CDH8: variants seen among roughly 807,000 people sequenced by gnomAD.
CDH8 encodes the protein cadherin 8, also known as cadherin-8.
CDH8 carries 17 observed loss-of-function variants against 68.1 expected under a neutral mutation model. The ratio of observed to expected loss-of-function variants is 0.25; its 90% CI spans 0.17 to 0.37. The LOEUF (loss-of-function observed/expected upper bound fraction) is 0.37. Among genes scored for constraint, CDH8 ranks in the 10% least tolerant of loss-of-function variants. The pLI, the probability that CDH8 is intolerant of heterozygous loss-of-function variation, is 1.00. For synonymous variants in CDH8, 372 were observed against 365.1 expected, an observed-to-expected ratio of 1.02 and a Z score of -0.21; for missense variants, 763 against 999.3, an observed-to-expected ratio of 0.76 and a Z score of 3.19.
chr16:61,825,912 G>A (rs1023503506), intron 4 of CDH8, among the ~76,000 whole-genome samples: 28 of 151,830 alleles, frequency 1.8e-4, no homozygotes, highest in African/African-American at 5.5e-4. Flanking sequence ...TATATTCAGC[G>A]TTTCATGTGG....
At chr16:61,999,139 C>A (rs892289828) in intron 2 of CDH8, among the ~76,000 whole-genome samples, 2 of 152,134 alleles carry the variant, frequency 1.3e-5, no homozygotes, top group African/African-American at 4.8e-5. Flanking sequence ...TAGCTTTCAT[C>A]CACTAAGTGC....
chr16:62,031,268 T>C (rs894101137), intron 1 of CDH8, among the ~76,000 whole-genome samples: 1 of 152,106 alleles, frequency 6.6e-6, no homozygotes, highest in African/African-American at 2.4e-5. Context: ...TTGTGGAACA[T>C]GAGTAAGATT....
At chr16:61,852,984 G>A (rs1160523986) in intron 4 of CDH8, among the ~76,000 whole-genome samples, 1 of 150,942 alleles carries the variant, frequency 6.6e-6, no homozygotes, top group East Asian at 2.0e-4. Context: ...AGACATCTAG[G>A]CATAGGAATG....
rs1324933105 is a variant in CDH8, at chr16:61,771,421, A to G, written c.1414+17925T>C. Among the ~76,000 whole-genome samples, 4 of 148,758 alleles carry G rather than the reference A, an allele frequency of 2.7e-5. No homozygotes were observed. In the East Asian group the frequency reaches 6.0e-4, roughly 22 times the overall value. ...AATATGAACCAGCAAAGAGATTTGG[A>G]TACTATGCCTCACACACAAATCTAA... On this transcript the variant is annotated intron_variant, in intron 8 of 11. Coordinates refer to ENST00000577390, the MANE Select transcript of CDH8 (RefSeq NM_001796.5).
chr16:61,945,104 G>A lies in CDH8; in HGVS notation c.253-43631C>T, dbSNP rs912584850. On this transcript the variant is annotated intron_variant, in intron 2 of 11. Transcript: ENST00000577390. ...AGTGAGGAGAACATTTGGCTTTTGA[G>A]TCTGACACTCCTGAGTTTGAATTGA... is the stretch of plus-strand genomic sequence containing the variant. Among the ~76,000 whole-genome samples, 7 of 152,230 alleles carry A rather than the reference G, an allele frequency of 4.6e-5. 1 individual carries two copies. The highest frequency in any genetic ancestry group is 1.9e-4 in the East Asian group (1 of 5,172).
At chr16:61,692,602 G>A (rs1964250158) in intron 10 of CDH8, 2 of 151,114 alleles carry the variant, frequency 1.3e-5, no homozygotes, top group Admixed American at 1.3e-4. Flanking sequence ...TTCATTGAAG[G>A]AGAATAGGTC....
intron 8 of CDH8, among the ~76,000 whole-genome samples, chr16:61,750,537 C>T (rs114042024): frequency 4.6e-5 from 7 of 152,104 alleles, no homozygotes; most frequent in Non-Finnish European, 1.0e-4. Flanking sequence ...GTGGTTCTTA[C>T]ATTGAAATTA....
At chr16:62,005,802 C>T (rs943785221) in intron 2 of CDH8, among the ~76,000 whole-genome samples, 1 of 149,514 alleles carries the variant, frequency 6.7e-6, no homozygotes, top group African/African-American at 2.5e-5. Context: ...GTTCTCAGTT[C>T]ATATTTGCCA....
At chr16:61,696,526 C>A (rs555909238) in intron 10 of CDH8, among the ~76,000 whole-genome samples, 4 of 152,284 alleles carry the variant, frequency 2.6e-5, no homozygotes, top group African/African-American at 7.2e-5. Flanking sequence ...TAACTTAATT[C>A]AAGCACTGTG....
intron 2 of CDH8, among the ~76,000 whole-genome samples, chr16:61,970,362 A>G (rs1469945562): frequency 6.6e-6 from 1 of 152,226 alleles, no homozygotes; most frequent in Non-Finnish European, 1.5e-5. Context: ...AAATTTAGAG[A>G]AAGTTTCTGT....
At chr16:61,951,304 G>A (rs1964893547) in intron 2 of CDH8, among the ~76,000 whole-genome samples, 1 of 152,032 alleles carries the variant, frequency 6.6e-6, no homozygotes, top group Non-Finnish European at 1.5e-5. Context: ...GAGGTCAGGA[G>A]ATCGAGACCA....
intron 9 of CDH8, among the ~76,000 whole-genome samples, chr16:61,716,955 C>A (rs7196670): frequency 4.0e-5 from 6 of 151,518 alleles, no homozygotes; most frequent in Non-Finnish European, 7.4e-5. Flanking sequence ...CAGATTTGTT[C>A]AAAGAAATGT....
rs144477082 is a variant in CDH8 at position 62,011,162 on chromosome 16, A to G, written c.252+9990T>C. Among the ~76,000 whole-genome samples, 22 of 152,218 alleles carry G rather than the reference A, an allele frequency of 1.4e-4. No homozygotes were observed. In the East Asian group the frequency reaches 3.9e-3, roughly 27 times the overall value. On this transcript the variant is annotated intron_variant, in intron 2 of 11. Coordinates refer to ENST00000577390, the MANE Select transcript of CDH8 (RefSeq NM_001796.5). ...TTCCTCAGCCCTTCTGATCAGGCTC[A>G]TTTGTATTTTGCTACTGCCTTCCAT...
intron 2 of CDH8, among the ~76,000 whole-genome samples, chr16:61,997,061 T>A (rs1479605299): frequency 6.6e-6 from 1 of 151,748 alleles, no homozygotes; most frequent in Non-Finnish European, 1.5e-5. Context: ...TGAGGAGTGT[T>A]TTTTTAAAAA....
At chr16:61,846,729 T>C (rs1005166347) in intron 4 of CDH8, among the ~76,000 whole-genome samples, 9 of 152,096 alleles carry the variant, frequency 5.9e-5, no homozygotes, top group Non-Finnish European at 1.2e-4. Context: ...AAGAAAATTA[T>C]TGAAATGGCA....
At chr16:61,881,947 C>G (rs902874029) in intron 3 of CDH8, among the ~76,000 whole-genome samples, 1 of 152,160 alleles carries the variant, frequency 6.6e-6, no homozygotes, top group Non-Finnish European at 1.5e-5. Context: ...AAGCATTTCC[C>G]CCTTTAAATT....
intron 2 of CDH8, among the ~76,000 whole-genome samples, chr16:61,961,221 G>A (rs568586900): frequency 2.0e-5 from 3 of 151,882 alleles, no homozygotes; most frequent in Non-Finnish European, 4.4e-5. Context: ...AGGTTGAGGC[G>A]GAAGAATCGC....
chr16:61,711,675 A>G (rs995377386), intron 10 of CDH8: 11 of 151,734 alleles, frequency 7.2e-5, no homozygotes, highest in African/African-American at 2.7e-4. Flanking sequence ...CATAGAGTAT[A>G]AACTTTATAT....
chr16:61,892,364 T>C (rs1963793592), intron 3 of CDH8, among the ~76,000 whole-genome samples: 1 of 152,082 alleles, frequency 6.6e-6, no homozygotes, highest in Non-Finnish European at 1.5e-5. Context: ...GTCATATAAA[T>C]GAATATGAAT....
Sources: allele counts gnomAD v4.1 joint callset (sites outside exome capture counted in the v4.1 genomes callset), GRCh38; gene constraint gnomAD v4.1.1; transcripts MANE v1.5; gene names NCBI Gene and HGNC (gene_info 2026-07-23, HGNC 2026-07-21).